Variants in EXOC4 observed in about 807,000 individuals in gnomAD.
EXOC4 encodes exocyst complex component 4.
EXOC4 carries 71 observed loss-of-function variants against 107.2 expected under a neutral mutation model. The observed-to-expected ratio is 0.66, with a 90% confidence interval of 0.55 to 0.81. The LOEUF is 0.81. EXOC4 is among the 30% of genes least tolerant of loss of function. EXOC4 has a pLI of 0.00. For missense variants in EXOC4, 1,108 were observed against 1,189.6 expected (o/e 0.93, Z 1.01); for synonymous variants, 456 against 441.2 (o/e 1.03, Z -0.42).
At chr7:133,686,945 A>G (rs1794312585) in intron 10 of EXOC4, among the ~76,000 whole-genome samples, 1 of 151,940 alleles carries the variant, frequency 6.6e-6, no homozygotes, top group South Asian at 2.1e-4. Context: ...TTGCAAAAAT[A>G]CAGAAACCAG....
chr7:133,657,021 A>G (rs889834549), intron 10 of EXOC4, among the ~76,000 whole-genome samples: 1 of 152,096 alleles, frequency 6.6e-6, no homozygotes, highest in African/African-American at 2.4e-5. Flanking sequence ...AGTGGCACAT[A>G]TTATCTCTTG....
intron 10 of EXOC4, among the ~76,000 whole-genome samples, chr7:133,746,916 T>G (rs1795689106): frequency 6.6e-6 from 1 of 152,024 alleles, no homozygotes; most frequent in Admixed American, 6.6e-5. Context: ...CTGAAGGACT[T>G]TAGAGAAAGC....
intron 10 of EXOC4, among the ~76,000 whole-genome samples, chr7:133,738,412 T>C (rs1157708538): frequency 2.0e-5 from 3 of 152,176 alleles, no homozygotes; most frequent in Non-Finnish European, 4.4e-5. Flanking sequence ...GCATGGTGCT[T>C]ACTTAGTGCA....
Position 133,933,865 on chromosome 7 carries a change from G to A in EXOC4, c.2028-4026G>A, listed in dbSNP as rs139212003. On this transcript the variant is annotated intron_variant, in intron 13 of 17. Transcript: ENST00000253861. Reference sequence around the variant, plus strand: ...TCTCTCATATGTGGTGAGACGTTCCGTTTTTCTCTTCACTAAAACGTGAAG... The same window carrying A: ...TCTCTCATATGTGGTGAGACGTTCCATTTTTCTCTTCACTAAAACGTGAAG... Among the ~76,000 whole-genome samples the A allele has an allele frequency of 7.2e-5, 11 of 152,248 alleles. No homozygotes were observed. In the East Asian group the frequency reaches 1.9e-3, roughly 27 times the overall value.
intron 9 of EXOC4, among the ~76,000 whole-genome samples, chr7:133,613,447 C>T (rs1802118893): frequency 6.6e-6 from 1 of 152,152 alleles, no homozygotes; most frequent in African/African-American, 2.4e-5. Context: ...CAGTAAATTT[C>T]ATACGGCAGT....
At chr7:133,672,831 A>C (rs779840959) in intron 10 of EXOC4, among the ~76,000 whole-genome samples, 2 of 152,234 alleles carry the variant, frequency 1.3e-5, no homozygotes, top group African/African-American at 2.4e-5. Flanking sequence ...GTAAGGATTT[A>C]TCTCTTTGAA....
At chr7:133,985,706 C>T (rs1283556502) in intron 14 of EXOC4, among the ~76,000 whole-genome samples, 1 of 152,204 alleles carries the variant, frequency 6.6e-6, no homozygotes, top group East Asian at 1.9e-4. Flanking sequence ...AAATAAAATA[C>T]TTTAAATTTA....
intron 8 of EXOC4, among the ~76,000 whole-genome samples, chr7:133,477,003 C>T: frequency 6.6e-6 from 1 of 152,230 alleles, no homozygotes; most frequent in African/African-American, 2.4e-5. Context: ...CTTTAAAAAA[C>T]ATATAGACTT....
chr7:133,353,711 TC>T (rs1382389991), intron 5 of EXOC4, among the ~76,000 whole-genome samples: 1 of 152,112 alleles, frequency 6.6e-6, no homozygotes, highest in Non-Finnish European at 1.5e-5. Flanking sequence ...TTCTATTATT[TC>T]TTTAAATATT....
At chr7:134,017,560 C>T (rs911755133) in intron 17 of EXOC4, among the ~76,000 whole-genome samples, 4 of 152,166 alleles carry the variant, frequency 2.6e-5, no homozygotes, top group South Asian at 4.2e-4. Context: ...CTTGCTGTCC[C>T]GTTTCTGACC....
chr7:133,325,096 A>G (rs958731788), intron 5 of EXOC4, among the ~76,000 whole-genome samples: 2 of 152,038 alleles, frequency 1.3e-5, no homozygotes, highest in Non-Finnish European at 1.5e-5. Context: ...TTTTGAGCCT[A>G]TGTGTGTCTC....
Position 133,773,597 on chromosome 7 carries a change from C to G in EXOC4, c.1515-43728C>G, listed in dbSNP as rs555641834. 9.9e-5 allele frequency among the ~76,000 whole-genome samples: 15 copies of G among 152,052 alleles called. No homozygotes were observed. The East Asian group carries it at 2.9e-3, about 30-fold the overall frequency. ...CATACCCAAAATATGCTAGCTTTAACAGCTGCTAAAATATCTGGGTACTTT... is the reference window on the plus strand; with the variant it reads ...CATACCCAAAATATGCTAGCTTTAAGAGCTGCTAAAATATCTGGGTACTTT... On this transcript the variant is annotated intron_variant, in intron 10 of 17. Transcript: ENST00000253861.
At chr7:133,341,897 C>T (rs961588238) in intron 5 of EXOC4, among the ~76,000 whole-genome samples, 6 of 152,116 alleles carry the variant, frequency 3.9e-5, no homozygotes, top group Admixed American at 6.6e-5. Context: ...TTTTTTTCTA[C>T]CCCTTTACCT....
chr7:133,413,494 A>G (rs1395307770), intron 7 of EXOC4, among the ~76,000 whole-genome samples: 1 of 152,080 alleles, frequency 6.6e-6, no homozygotes, highest in Non-Finnish European at 1.5e-5. Flanking sequence ...GATTTTATTG[A>G]CGATGTCATA....
intron 10 of EXOC4, among the ~76,000 whole-genome samples, chr7:133,760,965 A>G (rs1167057100): frequency 6.6e-6 from 1 of 152,216 alleles, no homozygotes; most frequent in Non-Finnish European, 1.5e-5. Flanking sequence ...CATAACACCC[A>G]GTTTTACAGC....
intron 7 of EXOC4, among the ~76,000 whole-genome samples, chr7:133,383,823 A>G (rs969781930): frequency 2.0e-5 from 3 of 152,096 alleles, no homozygotes; most frequent in African/African-American, 4.8e-5. Flanking sequence ...AGCCTATAAA[A>G]CTTTTTGATA....
At chr7:133,817,853 C>T (rs1585171122) in intron 11 of EXOC4, among the ~76,000 whole-genome samples, 1 of 152,128 alleles carries the variant, frequency 6.6e-6, no homozygotes, top group East Asian at 1.9e-4. Flanking sequence ...ACTATTTTTC[C>T]ATTGGTGAAT....
At chr7:133,504,928 A>C (rs1488746176) in intron 9 of EXOC4, among the ~76,000 whole-genome samples, 3 of 152,082 alleles carry the variant, frequency 2.0e-5, no homozygotes, top group Non-Finnish European at 4.4e-5. Context: ...TGAGCATGAA[A>C]GTAGAGTGTA....
chr7:133,464,790 T>G (rs1264088725), intron 7 of EXOC4, among the ~76,000 whole-genome samples: 2 of 100,066 alleles, frequency 2.0e-5, no homozygotes, highest in African/African-American at 3.6e-5. Context: ...CTGAAGTTTT[T>G]TTTTTTTGTT....
Sources: allele counts gnomAD v4.1 joint callset (sites outside exome capture counted in the v4.1 genomes callset), GRCh38; gene constraint gnomAD v4.1.1; transcripts MANE v1.5; gene names NCBI Gene and HGNC (gene_info 2026-07-23, HGNC 2026-07-21).